The following CNTNAP4 variants were observed in gnomAD, a reference collection of about 807,000 sequenced individuals.
CNTNAP4 encodes the protein contactin-associated protein-like 4.
CNTNAP4 carries 98 observed loss-of-function variants against 148.4 expected under a neutral mutation model. That is an observed-to-expected ratio of 0.66 (90% CI 0.56 to 0.78). CNTNAP4 has a LOEUF of 0.78. Ranked by LOEUF, CNTNAP4 falls within the 30% of genes least tolerant of loss-of-function variation. CNTNAP4 has a pLI of 0.00. For missense variants in CNTNAP4, 1,935 were observed against 1,565.6 expected (o/e 1.24, Z -3.98); for synonymous variants, 730 against 565.1 (o/e 1.29, Z -4.14).
At chr16:76,367,731 T>C (rs760300395) in intron 3 of CNTNAP4, among the ~76,000 whole-genome samples, 4 of 152,192 alleles carry the variant, frequency 2.6e-5, no homozygotes, top group African/African-American at 7.2e-5. Context: ...GTGGGTGTTA[T>C]TGAACAACTT....
intron 15 of CNTNAP4, among the ~76,000 whole-genome samples, chr16:76,519,897 A>C (rs1056121845): frequency 3.9e-5 from 6 of 152,242 alleles, no homozygotes; most frequent in African/African-American, 1.4e-4. Flanking sequence ...TTCGGTCTAG[A>C]ATTTATACAA....
At chr16:76,323,110 G>A (rs897007885) in intron 2 of CNTNAP4, among the ~76,000 whole-genome samples, 9 of 152,082 alleles carry the variant, frequency 5.9e-5, no homozygotes, top group African/African-American at 2.2e-4. Context: ...GCCTCCCTAA[G>A]TGCTGAGGTT....
intron 3 of CNTNAP4, among the ~76,000 whole-genome samples, chr16:76,385,034 A>G (rs946899390): frequency 3.3e-5 from 5 of 152,272 alleles, no homozygotes; most frequent in Admixed American, 2.6e-4. Flanking sequence ...GAAGATATAC[A>G]TATGAATTAT....
intron 15 of CNTNAP4, among the ~76,000 whole-genome samples, chr16:76,514,690 A>C (rs192942782): frequency 1.8e-5 from 2 of 110,030 alleles, no homozygotes; most frequent in African/African-American, 5.2e-5. Flanking sequence ...TATTTTCTTC[A>C]TTTTTATTTT....
In CNTNAP4 at chr16:76,471,610, C is replaced by T. The variant is rs573008016; in HGVS notation, c.1655+4087C>T. Among the ~76,000 whole-genome samples the T allele has an allele frequency of 2.0e-5, 3 of 152,240 alleles. No homozygotes were observed. In the East Asian group the frequency reaches 5.8e-4, roughly 30 times the overall value. On this transcript the variant is annotated intron_variant, in intron 10 of 23. Coordinates refer to ENST00000611870, the MANE Select transcript of CNTNAP4 (RefSeq NM_033401.5). The stretch of plus-strand genomic sequence containing the variant: ...CTCCATCCAGGCCCGTTGTTTTCCT[C>T]TTCCTTTCTGGTGGAGTTTCTACCT...
chr16:76,359,743 A>G (rs967176199), intron 3 of CNTNAP4, among the ~76,000 whole-genome samples: 1 of 152,226 alleles, frequency 6.6e-6, no homozygotes, highest in Admixed American at 6.5e-5. Flanking sequence ...AATGCAAGCT[A>G]AACTTTCTCC....
intron 15 of CNTNAP4, among the ~76,000 whole-genome samples, chr16:76,510,904 T>C (rs2143996410): frequency 6.6e-6 from 1 of 152,284 alleles, no homozygotes; most frequent in Non-Finnish European, 1.5e-5. Context: ...GAGGCCATAC[T>C]GGTTTTTTTC....
intron 11 of CNTNAP4, among the ~76,000 whole-genome samples, chr16:76,476,718 T>C (rs1288727795): frequency 6.6e-6 from 1 of 152,104 alleles, no homozygotes; most frequent in Non-Finnish European, 1.5e-5. Flanking sequence ...GGGAAATCTT[T>C]TACAAGGGCA....
rs759580311 is a variant in CNTNAP4, at chr16:76,548,295, C to CATTTTTTTTTTTTT, written c.3443-4988_3443-4987insATTTTTTTTTTTTT. On this transcript the variant is annotated intron_variant, in intron 21 of 23. Transcript: ENST00000611870. Reference sequence around the variant, plus strand: ...CCCTGGCTCTCTTGATTCACTGCACCTTTTTTTTTTTTTTTTTTTTTTTTG... The same window carrying CATTTTTTTTTTTTT: ...CCCTGGCTCTCTTGATTCACTGCACCATTTTTTTTTTTTTTTTTTTTTTTTTTTTTTTTTTTTTG... 1.6e-4 allele frequency among the ~76,000 whole-genome samples: 15 copies of CATTTTTTTTTTTTT among 92,932 alleles called. 5 individuals are homozygous for CATTTTTTTTTTTTT. The highest frequency in any genetic ancestry group is 7.2e-4 in the East Asian group (2 of 2,768). The allele number at this position is 92,932 out of a possible 152,430, so 61.0% of individuals were successfully genotyped here. A position where few individuals can be genotyped will look rare whatever the true frequency, so the allele number is the denominator to read the frequency against.
chr16:76,467,173 C>A (rs2081202443), intron 9 of CNTNAP4, among the ~76,000 whole-genome samples, 179 bp from the exon 10 acceptor site: 1 of 152,040 alleles, frequency 6.6e-6, no homozygotes, highest in Non-Finnish European at 1.5e-5. Context: ...ATAAAAAATT[C>A]TTTGTATGAA....
chr16:76,384,304 A>C (rs1160787252), intron 3 of CNTNAP4, among the ~76,000 whole-genome samples: 1 of 152,082 alleles, frequency 6.6e-6, no homozygotes, highest in Non-Finnish European at 1.5e-5. Flanking sequence ...GGCCTCCCAA[A>C]GTGCTGGGAT....
At chr16:76,375,236 A>T (rs1424347515) in intron 3 of CNTNAP4, among the ~76,000 whole-genome samples, 1 of 152,036 alleles carries the variant, frequency 6.6e-6, no homozygotes, top group African/African-American at 2.4e-5. Context: ...AGCCTGGTTA[A>T]CATGGTAAAA....
intron 1 of CNTNAP4, among the ~76,000 whole-genome samples, chr16:76,311,597 A>G (rs772640330): frequency 1.2e-4 from 18 of 152,234 alleles, no homozygotes; most frequent in Admixed American, 6.5e-5. Flanking sequence ...ATCAAGGTCT[A>G]TGTGGAAATT....
In CNTNAP4 at chr16:76,462,029, G is replaced by A. The variant is rs757984171; in HGVS notation, c.1407G>A (p.Val469=). 6.8e-6 allele frequency: 11 copies of A among 1,613,744 alleles called. No individual in the cohort carries two copies. Among genetic ancestry groups the A allele is most frequent in the Non-Finnish European group, 9.3e-6 (11 of 1,179,828 alleles). Residue 469 remains valine (V), a synonymous_variant, in exon 9 of 24, where the codon GTG becomes GTA. Coordinates refer to ENST00000611870, the MANE Select transcript of CNTNAP4 (RefSeq NM_033401.5). ...SAKKNHLSVA[V]DGQMASAAPL... is the part of the protein sequence containing the mutation. ...AAAAGAATCACTTGAGTGTGGCGGTGGACGGCCAGATGGCTTCTGCTGCTC... is the reference window on the plus strand; with the variant it reads ...AAAAGAATCACTTGAGTGTGGCGGTAGACGGCCAGATGGCTTCTGCTGCTC...
intron 4 of CNTNAP4, among the ~76,000 whole-genome samples, chr16:76,440,822 T>G (rs996859942): frequency 6.6e-6 from 1 of 152,162 alleles, no homozygotes; most frequent in Admixed American, 6.6e-5. Flanking sequence ...CTTGAATATT[T>G]TTCTTAGTAA....
intron 1 of CNTNAP4, among the ~76,000 whole-genome samples, chr16:76,303,527 C>T (rs1360857516): frequency 6.6e-6 from 1 of 152,170 alleles, no homozygotes. Context: ...GTAGCACATA[C>T]TTAGGAGGAC....
chr16:76,378,356 G>A (rs920796954), intron 3 of CNTNAP4, among the ~76,000 whole-genome samples: 3 of 152,232 alleles, frequency 2.0e-5, no homozygotes, highest in Non-Finnish European at 2.9e-5. Flanking sequence ...GAAGACAGCA[G>A]TGGAAAACCA....
At chr16:76,549,837 C>A (rs934576925) in intron 21 of CNTNAP4, among the ~76,000 whole-genome samples, 1 of 151,608 alleles carries the variant, frequency 6.6e-6, no homozygotes, top group African/African-American at 2.4e-5. Context: ...ATAGAGGAGA[C>A]CTAATGTGAA....
chr16:76,390,092 A>C (rs1180162942), intron 3 of CNTNAP4, among the ~76,000 whole-genome samples: 2 of 152,140 alleles, frequency 1.3e-5, no homozygotes, highest in African/African-American at 4.8e-5. Context: ...CAGAGGAGCA[A>C]GGGAGCTGGG....
Sources: gnomAD v4.1 joint callset for allele counts (sites outside exome capture counted in the v4.1 genomes callset) on GRCh38, gnomAD v4.1.1 for gene constraint, MANE v1.5 for transcripts, NCBI Gene and HGNC (gene_info 2026-07-23, HGNC 2026-07-21) for gene names.